CIP2A: variants seen among roughly 807,000 people sequenced by gnomAD.
CIP2A encodes protein CIP2A.
CIP2A carries 103 observed loss-of-function variants against 110.9 expected under a neutral mutation model. That is an observed-to-expected ratio of 0.93 (90% CI 0.79 to 1.09). The LOEUF is 1.09. Ranked by LOEUF, CIP2A falls within the 50% of genes least tolerant of loss-of-function variation. The probability of loss-of-function intolerance (pLI) is 0.00; values close to 1 mark genes in which losing one functional copy is unlikely to be tolerated. For missense variants in CIP2A, 1,088 were observed against 1,038.4 expected (o/e 1.05, Z -0.66); for synonymous variants, 381 against 361.6 (o/e 1.05, Z -0.61).
Position 108,585,141 on chromosome 3 carries a change from G to C in CIP2A, c.174C>G (p.Cys58Trp). 14 of 1,613,170 alleles carry C rather than the reference G, an allele frequency of 8.7e-6. No individual in the cohort carries two copies. Among genetic ancestry groups the C allele is most frequent in the Non-Finnish European group, 1.1e-5 (13 of 1,179,288 alleles). Residue 58 changes from cysteine to tryptophan, a missense_variant, in exon 2 of 21, where the codon TGC (cysteine) becomes TGG (tryptophan). Transcript: ENST00000295746. ...NQILTSECLS[C>W]LVELLEDPNI... is the part of the protein sequence containing the mutation. ...TGGGGTCTTCAAGTAGCTCTACAAG[G>C]CAACTCAAGCATTCACTTGTTAATA...
Position 108,585,224 on chromosome 3 carries a change from TA to T in CIP2A, c.103-13del, listed in dbSNP as rs754918935. On this transcript the variant is annotated splice_polypyrimidine_tract_variant and intron_variant, in intron 1 of 20. Coordinates refer to ENST00000295746, the MANE Select transcript of CIP2A (RefSeq NM_020890.3). ...TGTCCAGAAATTACCTATAAAATAG[TA>T]ATCAAAATGTGTTGGTTAAGCGATG... The T allele has an allele frequency of 1.1e-5, 18 of 1,592,496 alleles. No homozygotes were observed. Among genetic ancestry groups the T allele is most frequent in the Non-Finnish European group, 1.5e-5 (18 of 1,167,852 alleles).
At position 108,579,905 on chromosome 3, in the gene CIP2A, A is replaced by G. The variant is rs1361420289; in HGVS notation, c.550-217T>C. On this transcript the variant is annotated intron_variant, in intron 5 of 20. Transcript: ENST00000295746. ...TGTTATAAAGAGAGTACCTACAGAA[A>G]AAAATAATTTGGTAAATGCGTGCAA... 1.3e-5 allele frequency among the ~76,000 whole-genome samples: 2 copies of G among 152,236 alleles called. 1 individual carries two copies. Among genetic ancestry groups the G allele is most frequent in the Non-Finnish European group, 2.9e-5 (2 of 68,032 alleles).
In CIP2A at chr3:108,560,661, C is replaced by T; in HGVS notation, c.1815G>A (p.Gln605=). 6.2e-7 allele frequency: 1 copy of T among 1,604,392 alleles called. No homozygotes were observed. The highest frequency in any genetic ancestry group is 1.1e-5 in the South Asian group (1 of 89,668). ...LNIEELIEKL[Q]SGMVVKDQIC... ...TTTTTTCACTCACCACCATTCCAGA[C>T]TGAAGTTTCTCTATTAATTCTTCAA... Residue 605 remains glutamine (Q), a synonymous_variant, in exon 14 of 21, where the codon CAG becomes CAA. Coordinates refer to ENST00000295746, the MANE Select transcript of CIP2A (RefSeq NM_020890.3).
In CIP2A at chr3:108,581,520, T is replaced by A. The variant is rs776335132; in HGVS notation, c.453-9A>T. ...CATCTTCAGAAGATTGACTGTTGTT[T>A]TACATTGGTGTTTTGTTTAAAGAAA... On this transcript the variant is annotated splice_polypyrimidine_tract_variant and intron_variant, in intron 4 of 20. Transcript: ENST00000295746. 1 of 1,546,748 alleles carries A rather than the reference T, an allele frequency of 6.5e-7. No homozygotes were observed. Among genetic ancestry groups the A allele is most frequent in the Admixed American group, 1.7e-5 (1 of 58,986 alleles).
intron 3 of CIP2A, 140 bp from the exon 4 acceptor site, chr3:108,582,342 TAA>T: frequency 2.3e-6 from 1 of 427,714 alleles, no homozygotes; most frequent in Non-Finnish European, 4.2e-6. Flanking sequence ...TAAAGTAATG[TAA>T]GAACCTTAGG....
At chr3:108,560,557 A>G (rs1477622011) in intron 14 of CIP2A, 92 bp downstream of exon 14, 1 of 711,414 alleles carries the variant, frequency 1.4e-6, no homozygotes, top group Non-Finnish European at 2.2e-6. Flanking sequence ...CAATAGTGAA[A>G]TCTGTACCTG....
At chr3:108,558,304 TAA>T (rs1280778948) in intron 16 of CIP2A, among the ~76,000 whole-genome samples, 1 of 152,124 alleles carries the variant, frequency 6.6e-6, no homozygotes, top group Non-Finnish European at 1.5e-5. Context: ...TGAAGAGACT[TAA>T]GAGGCATTTT....
intron 19 of CIP2A, among the ~76,000 whole-genome samples, chr3:108,553,421 C>T (rs1937647294): frequency 1.3e-5 from 2 of 152,060 alleles, no homozygotes; most frequent in African/African-American, 4.8e-5. Flanking sequence ...AGCCACTGTG[C>T]CTGGCCAATT....
At position 108,556,040 on chromosome 3, in the gene CIP2A, C is replaced by T. The variant is rs566622719; in HGVS notation, c.2210+1178G>A. On this transcript the variant is annotated intron_variant, in intron 17 of 20. Coordinates refer to ENST00000295746, the MANE Select transcript of CIP2A (RefSeq NM_020890.3). The stretch of plus-strand genomic sequence containing the variant: ...AATGGAACCCATTTCAGTTCTATAA[C>T]GTATTTTCTTCACTGCTGACGTTCT... Among the ~76,000 whole-genome samples, 42 of 152,254 alleles carry T rather than the reference C, an allele frequency of 2.8e-4. 1 individual carries two copies. The highest frequency in any genetic ancestry group is 2.3e-3 in the South Asian group (11 of 4,834).
chr3:108,568,091 G>A, intron 10 of CIP2A, 64 bp downstream of exon 10: 1 of 1,218,500 alleles, frequency 8.2e-7, no homozygotes. Flanking sequence ...TGCAGTGAAT[G>A]CAATACTAGA....
At chr3:108,562,730 G>A (rs1191049743) in intron 13 of CIP2A, among the ~76,000 whole-genome samples, 2 of 151,726 alleles carry the variant, frequency 1.3e-5, no homozygotes, top group Non-Finnish European at 2.9e-5. Flanking sequence ...AGTCCACATC[G>A]TTCTCATGGA....
intron 5 of CIP2A, 115 bp from the exon 6 acceptor site, chr3:108,579,803 T>G (rs1938801871): frequency 2.1e-6 from 1 of 482,518 alleles, no homozygotes; most frequent in Non-Finnish European, 3.5e-6. Flanking sequence ...ATCAACTCTA[T>G]TAAATGATTG....
At position 108,569,560 on chromosome 3, in the gene CIP2A, A is replaced by G. The variant is rs1381396753; in HGVS notation, c.942T>C (p.His314=). The G allele has an allele frequency of 3.1e-6, 5 of 1,612,650 alleles. No homozygotes were observed. The highest frequency in any genetic ancestry group is 3.4e-6 in the Non-Finnish European group (4 of 1,179,256). Residue 314 remains histidine, a synonymous_variant, in exon 9 of 21, where the codon CAT becomes CAC. Coordinates refer to ENST00000295746, the MANE Select transcript of CIP2A (RefSeq NM_020890.3). ...LAFCSVTQLR[H]MLTQMMFEQS... ...GTTCAAACATCATCTGAGTGAGCAT[A>G]TGGCGCAGCTGAGTCACTGAACAGA...
chr3:108,581,297 C>T (rs1938868058), intron 5 of CIP2A, 118 bp downstream of exon 5: 1 of 692,810 alleles, frequency 1.4e-6, no homozygotes, highest in Middle Eastern at 3.9e-4. Flanking sequence ...GATGGGTCAT[C>T]CGATAAGACA....
chr3:108,585,673 G>C, intron 1 of CIP2A: 3 of 456,206 alleles, frequency 6.6e-6, no homozygotes, highest in South Asian at 4.7e-5. Context: ...TACTTTGAGG[G>C]AGGAGAATGA....
intron 12 of CIP2A, among the ~76,000 whole-genome samples, chr3:108,564,990 C>T (rs1474525459): frequency 2.0e-5 from 3 of 151,782 alleles, no homozygotes; most frequent in African/African-American, 7.2e-5. Flanking sequence ...CCCTTAATAC[C>T]CTACATCAAC....
rs777303491 is a variant in CIP2A, at chr3:108,563,252, A to G, written c.1516-8T>C. 6.6e-7 allele frequency: 1 copy of G among 1,516,014 alleles called. No homozygotes were observed. Among genetic ancestry groups the G allele is most frequent in the Non-Finnish European group, 9.2e-7 (1 of 1,092,612 alleles). The allele number at this position is 1,516,014 out of a possible 1,614,324, so 93.9% of individuals were successfully genotyped here. On this transcript the variant is annotated splice_polypyrimidine_tract_variant and splice_region_variant and intron_variant, in intron 12 of 20. Transcript: ENST00000295746. ...AGTAATCAAACGTGGGTCCTAAATA[A>G]ATCAGAAACCAAAAAAGAAGCAGCA... is the stretch of plus-strand genomic sequence containing the variant.
chr3:108,562,862 T>C (rs1051049218), intron 13 of CIP2A, among the ~76,000 whole-genome samples: 6 of 152,204 alleles, frequency 3.9e-5, no homozygotes, highest in Middle Eastern at 3.4e-3. Flanking sequence ...CCAGAAGTTA[T>C]CATTAAAAAG....
chr3:108,554,133 C>A (rs967857507), intron 18 of CIP2A, among the ~76,000 whole-genome samples: 5 of 151,832 alleles, frequency 3.3e-5, no homozygotes, highest in Admixed American at 2.6e-4. Flanking sequence ...TGACCTCATG[C>A]GCTCCACCCA....
Sources: allele counts gnomAD v4.1 joint callset (sites outside exome capture counted in the v4.1 genomes callset), GRCh38; gene constraint gnomAD v4.1.1; transcripts MANE v1.5; gene names NCBI Gene and HGNC (gene_info 2026-07-23, HGNC 2026-07-21).